FAM83A: variants seen among roughly 807,000 people sequenced by gnomAD.
FAM83A encodes scaffolding CK1 anchoring protein A, also known as protein FAM83A.
In FAM83A, 21 loss-of-function variants were observed where a neutral mutation model predicts 24.4. That is an observed-to-expected ratio of 0.86 (90% CI 0.61 to 1.24). The LOEUF (loss-of-function observed/expected upper bound fraction) is 1.24. Among genes scored for constraint, FAM83A ranks in the 50% most tolerant of loss-of-function variants. The pLI, the probability that FAM83A is intolerant of heterozygous loss-of-function variation, is 0.00. For missense variants in FAM83A, 617 were observed against 579.8 expected (o/e 1.06, Z -0.66); for synonymous variants, 270 against 252.4 (o/e 1.07, Z -0.66).
At chr8:123,201,509 C>T (rs1176385996) in intron 3 of FAM83A, 2 of 152,238 alleles carry the variant, frequency 1.3e-5, no homozygotes, top group East Asian at 3.8e-4. Flanking sequence ...TCAAAGGTGA[C>T]CTGCTTACTA....
rs570643270 is a variant in FAM83A, at chr8:123,185,196, G to A, written c.480+1860G>A. On this transcript the variant is annotated intron_variant, in intron 1 of 3. Coordinates refer to ENST00000690554, the Ensembl canonical transcript of FAM83A. Reference sequence around the variant, plus strand: ...GCTGTATCCCCTCAGGCAAGTCCCTGGACTCCTTAGGGCTCAGCTCCTATG... The same window carrying A: ...GCTGTATCCCCTCAGGCAAGTCCCTAGACTCCTTAGGGCTCAGCTCCTATG... Among the ~76,000 whole-genome samples the A allele has an allele frequency of 8.9e-4, 135 of 152,282 alleles. 5 individuals carry two copies. The South Asian group carries it at 0.028, about 31-fold the overall frequency.
exon 4 of FAM83A, chr8:123,207,844 C>T: frequency 7.2e-7 from 1 of 1,388,282 alleles, no homozygotes; most frequent in Non-Finnish European, 9.3e-7. Context: ...CCAGGCCATC[C>T]ACTTGCCGGC....
rs113529759 is a variant in FAM83A, at chr8:123,199,064, T to G, written c.773+4916T>G. ...TTCTATACCCAACTTTTAATAGCTG[T>G]GTACCTGCCATCTCTCTGGGCCTGT... On this transcript the variant is annotated intron_variant, in intron 3 of 3. Transcript: ENST00000690554. Among the ~76,000 whole-genome samples, 32 of 152,280 alleles carry G rather than the reference T, an allele frequency of 2.1e-4. 1 individual carries two copies. Among genetic ancestry groups the G allele is most frequent in the African/African-American group, 6.3e-4 (26 of 41,556 alleles).
At position 123,209,054 on chromosome 8, in the gene FAM83A, A is replaced by C; in HGVS notation, c.*1366A>C. 1 of 993,366 alleles carries C rather than the reference A, an allele frequency of 1.0e-6. No homozygotes were observed. Among genetic ancestry groups the C allele is most frequent in the Non-Finnish European group, 1.2e-6 (1 of 835,576 alleles). 61.5% of individuals were successfully genotyped at this position (993,366 alleles called of 1,614,324 possible). On this transcript the variant is annotated 3_prime_UTR_variant, in exon 4 of 4. Coordinates refer to ENST00000690554, the Ensembl canonical transcript of FAM83A. The surrounding 1 kb of genome is among the most constrained non-coding windows in gnomAD (Gnocchi z 4.7). ...GTCAGAGACACTTCCCAGATAAAGT[A>C]AGAGTTAACCCTGCACCTCAGGTGT... is the stretch of plus-strand genomic sequence containing the variant.
chr8:123,180,150 A>T (rs1157557015), upstream of FAM83A: 1 of 152,186 alleles, frequency 6.6e-6, no homozygotes, highest in Non-Finnish European at 1.5e-5. Flanking sequence ...GCCAGCATGC[A>T]GTGAGCACTC....
chr8:123,197,046 A>G (rs1054571753), intron 3 of FAM83A, among the ~76,000 whole-genome samples: 4 of 152,108 alleles, frequency 2.6e-5, no homozygotes, highest in African/African-American at 4.8e-5. Flanking sequence ...AGCCCAGATC[A>G]CCCACCAGTG....
rs529227257 is a variant in FAM83A at position 123,183,789 on chromosome 8, G to A, written c.480+453G>A. Among the ~76,000 whole-genome samples, 33 of 150,374 alleles carry A rather than the reference G, an allele frequency of 2.2e-4. No individual in the cohort carries two copies. In the East Asian group the frequency reaches 4.9e-3, roughly 22 times the overall value. ...CGGGTCACTGCAACCTCCAACTCCC[G>A]GGTTCAAGCGATTCTCCTGCTTCAG... On this transcript the variant is annotated intron_variant, in intron 1 of 3. Transcript: ENST00000690554.
chr8:123,184,072 G>T (rs1823714671), intron 1 of FAM83A, among the ~76,000 whole-genome samples: 1 of 152,022 alleles, frequency 6.6e-6, no homozygotes, highest in South Asian at 2.1e-4. Flanking sequence ...GCCCATAATG[G>T]GAAGAACAAA....
intron 3 of FAM83A, among the ~76,000 whole-genome samples, chr8:123,200,725 G>A (rs911806592): frequency 1.3e-5 from 2 of 152,066 alleles, no homozygotes; most frequent in African/African-American, 4.8e-5. Flanking sequence ...AGGCCGAGGC[G>A]GGTGAATCAC....
intron 3 of FAM83A, among the ~76,000 whole-genome samples, chr8:123,195,155 G>A (rs1011529216): frequency 2.6e-5 from 4 of 152,208 alleles, no homozygotes; most frequent in Non-Finnish European, 4.4e-5. Context: ...GAGTGTGACA[G>A]AGAGTGCAGA....
Position 123,194,149 on chromosome 8 carries a change from G to A in FAM83A, c.773+1G>A, listed in dbSNP as rs1320156608. The A allele has an allele frequency of 5.0e-6, 8 of 1,613,884 alleles. No homozygotes were observed. The highest frequency in any genetic ancestry group is 6.8e-6 in the Non-Finnish European group (8 of 1,179,996). On this transcript the variant is annotated splice_donor_variant, in intron 3 of 3. Transcript: ENST00000690554. LOFTEE classifies it high-confidence loss of function. ...GATTTGTCCTGTCTGGATCTTACAG[G>A]TGAGCCTTGGATTCATCTCCTGTCA...
chr8:123,179,793 T>C (rs1343221410), upstream of FAM83A: 1 of 152,114 alleles, frequency 6.6e-6, no homozygotes, highest in Non-Finnish European at 1.5e-5. Context: ...AAGGAGAAAA[T>C]GGTCCCTACA....
exon 4 of FAM83A, chr8:123,207,384 C>T (rs767973353): frequency 6.2e-7 from 1 of 1,611,544 alleles, no homozygotes. Context: ...TCCTCCAACC[C>T]CTTCAGCGGC....
In FAM83A at chr8:123,209,771, G is replaced by A; in HGVS notation, c.*2083G>A. 1 of 568,800 alleles carries A rather than the reference G, an allele frequency of 1.8e-6. No individual in the cohort carries two copies. Among genetic ancestry groups the A allele is most frequent in the Non-Finnish European group, 3.1e-6 (1 of 321,140 alleles). The allele number at this position is 568,800 out of a possible 1,614,324, so 35.2% of individuals were successfully genotyped here. ...CTCCATCAGCAGTCTCCCCTCCGTG[G>A]TCGTCTTTGTTGACAAAGGTGCAGT... On this transcript the variant is annotated 3_prime_UTR_variant, in exon 4 of 4. Coordinates refer to ENST00000690554, the Ensembl canonical transcript of FAM83A. This position sits in a 1 kb window ranked among gnomAD's most constrained non-coding sequence, Gnocchi z 4.7.
rs193107232 is a variant in FAM83A, at chr8:123,187,561, G to A, written c.480+4225G>A. ...AAATTGTTATTTTATGTTAACATAC[G>A]ATGGGCTTATTACTGATATTTTAAA... On this transcript the variant is annotated intron_variant, in intron 1 of 3. Transcript: ENST00000690554. 1.6e-3 allele frequency among the ~76,000 whole-genome samples: 249 copies of A among 152,294 alleles called. 1 individual carries two copies. Among genetic ancestry groups the A allele is most frequent in the East Asian group, 0.011 (58 of 5,190 alleles).
At chr8:123,188,094 C>T (rs1034298696) in intron 1 of FAM83A, among the ~76,000 whole-genome samples, 2 of 151,782 alleles carry the variant, frequency 1.3e-5, no homozygotes, top group African/African-American at 2.4e-5. Flanking sequence ...AGGCTGGTCT[C>T]GAACTCCTGA....
Position 123,209,411 on chromosome 8 carries a change from T to C in FAM83A, c.*1723T>C. On this transcript the variant is annotated 3_prime_UTR_variant, in exon 4 of 4. Coordinates refer to ENST00000690554, the Ensembl canonical transcript of FAM83A. The surrounding 1 kb of genome is among the most constrained non-coding windows in gnomAD (Gnocchi z 4.7). Reference sequence around the variant, plus strand: ...TAATTATTGTATTCCTGTCCTTCACTTTTTTCCTCCTTAGTTCCTGAAAGT... The same window carrying C: ...TAATTATTGTATTCCTGTCCTTCACCTTTTTCCTCCTTAGTTCCTGAAAGT... 1.9e-6 allele frequency: 3 copies of C among 1,612,722 alleles called. No individual in the cohort carries two copies. Among genetic ancestry groups the C allele is most frequent in the Non-Finnish European group, 2.5e-6 (3 of 1,179,000 alleles).
chr8:123,201,382 C>G (rs1040872385), intron 3 of FAM83A: 1 of 152,152 alleles, frequency 6.6e-6, no homozygotes, highest in Non-Finnish European at 1.5e-5. Flanking sequence ...AGGAGGAAGG[C>G]TGCCACAGCC....
At chr8:123,189,512 T>C (rs1422601596) in intron 1 of FAM83A, among the ~76,000 whole-genome samples, 2 of 152,196 alleles carry the variant, frequency 1.3e-5, no homozygotes, top group Non-Finnish European at 1.5e-5. Flanking sequence ...CCAAAATCAC[T>C]AAGGAAAACT....
Sources: allele counts gnomAD v4.1 joint callset (sites outside exome capture counted in the v4.1 genomes callset), GRCh38; gene constraint gnomAD v4.1.1; non-coding constraint Gnocchi (gnomAD v3.1); transcripts MANE v1.5; gene names NCBI Gene and HGNC (gene_info 2026-07-23, HGNC 2026-07-21).